The following COL21A1 variants were observed in gnomAD, a reference collection of about 807,000 sequenced individuals.
The protein encoded by COL21A1 is collagen type XXI alpha 1 chain, also known as collagen alpha-1(XXI) chain.
COL21A1 carries 149 observed loss-of-function variants against 137.9 expected under a neutral mutation model. The ratio of observed to expected loss-of-function variants is 1.08; its 90% CI spans 0.95 to 1.24. COL21A1 has a LOEUF of 1.24. Ranked by LOEUF, COL21A1 falls within the 50% of genes most tolerant of loss-of-function variation. COL21A1 has a pLI of 0.00. For missense variants in COL21A1, 1,167 were observed against 1,158.4 expected, an observed-to-expected ratio of 1.01 and a Z score of -0.11; for synonymous variants, 456 against 391.5, an observed-to-expected ratio of 1.16 and a Z score of -1.95.
chr6:56,287,684 A>C (rs1003574378), intron 1 of COL21A1, among the ~76,000 whole-genome samples: 2 of 152,132 alleles, frequency 1.3e-5, no homozygotes, highest in African/African-American at 4.8e-5. Flanking sequence ...TAAGTTACCC[A>C]GTCTCAGGTA....
At chr6:56,382,813 C>T (rs1272331887) in intron 1 of COL21A1, among the ~76,000 whole-genome samples, 1 of 152,166 alleles carries the variant, frequency 6.6e-6, no homozygotes, top group Non-Finnish European at 1.5e-5. Flanking sequence ...CTATTGCTTA[C>T]ACCACCCATC....
chr6:56,233,839 T>C (rs758898069), intron 1 of COL21A1, among the ~76,000 whole-genome samples: 1 of 150,878 alleles, frequency 6.6e-6, no homozygotes, highest in Non-Finnish European at 1.5e-5. Context: ...GCAGGATGCC[T>C]AAAAAGAAAT....
chr6:56,227,519 A>C (rs1407611571), intron 1 of COL21A1, among the ~76,000 whole-genome samples: 1 of 152,078 alleles, frequency 6.6e-6, no homozygotes, highest in African/African-American at 2.4e-5. Flanking sequence ...AGAGTAAATG[A>C]ACTTCAGATC....
intron 1 of COL21A1, among the ~76,000 whole-genome samples, chr6:56,263,628 T>A (rs1432196349): frequency 1.3e-5 from 2 of 152,178 alleles, no homozygotes; most frequent in Non-Finnish European, 2.9e-5. Flanking sequence ...TAAGCGCATG[T>A]CCCCAGAATA....
intron 17 of COL21A1, among the ~76,000 whole-genome samples, chr6:56,090,922 G>T (rs185643265): frequency 6.6e-6 from 1 of 152,104 alleles, no homozygotes; most frequent in Admixed American, 6.6e-5. Context: ...GCCTGAAAAA[G>T]GGGTGAGAAA....
intron 1 of COL21A1, among the ~76,000 whole-genome samples, chr6:56,344,922 G>A (rs1278398283): frequency 6.6e-6 from 1 of 152,098 alleles, no homozygotes; most frequent in East Asian, 1.9e-4. Context: ...GTGGAACCAT[G>A]AGCCAATTAA....
Position 56,060,959 on chromosome 6 carries a change from G to GC in COL21A1, c.2283dup (p.Pro762AlafsTer5), listed in dbSNP as rs1443600881. 3.1e-6 allele frequency: 5 copies of GC among 1,607,742 alleles called. No individual in the cohort carries two copies. In the East Asian group the frequency reaches 1.1e-4, roughly 36 times the overall value. ...CCAGGTTGCCCCTTAGGACCTGCGG[G>GC]CCCCATCAAGCCATCCACCCCAGAT... is the stretch of plus-strand genomic sequence containing the variant. On this transcript the variant is annotated frameshift_variant, in exon 26 of 30. Coordinates refer to ENST00000244728, the MANE Select transcript of COL21A1 (RefSeq NM_030820.4). LOFTEE classifies it high-confidence loss of function.
intron 1 of COL21A1, among the ~76,000 whole-genome samples, chr6:56,314,177 G>A (rs1397094826): frequency 6.6e-6 from 1 of 152,098 alleles, no homozygotes; most frequent in Non-Finnish European, 1.5e-5. Context: ...TAGAGGCAGG[G>A]TTTCACCATG....
intron 1 of COL21A1, among the ~76,000 whole-genome samples, chr6:56,276,218 G>A (rs1294127134): frequency 1.3e-5 from 2 of 152,118 alleles, no homozygotes; most frequent in African/African-American, 4.8e-5. Flanking sequence ...ATTACCAGAG[G>A]GGAGAAGGAG....
chr6:56,164,938 A>T lies in COL21A1; in HGVS notation c.1279-116T>A. 13 of 758,194 alleles carry T rather than the reference A, an allele frequency of 1.7e-5. No homozygotes were observed. In the South Asian group the frequency reaches 2.6e-4, roughly 15 times the overall value. The allele number at this position is 758,194 out of a possible 1,614,324, so 47.0% of individuals were successfully genotyped here. A position where few individuals can be genotyped will look rare whatever the true frequency, so the allele number is the denominator to read the frequency against. On this transcript the variant is annotated intron_variant, in intron 7 of 29. Coordinates refer to ENST00000244728, the MANE Select transcript of COL21A1 (RefSeq NM_030820.4). The stretch of plus-strand genomic sequence containing the variant: ...TAGAGATATATGAAGTATGAAAACC[A>T]ACAAAAACCAAAATATTTCCCTGCA...
chr6:56,186,689 T>C (rs530499243), intron 1 of COL21A1, among the ~76,000 whole-genome samples: 24 of 152,190 alleles, frequency 1.6e-4, no homozygotes, highest in Middle Eastern at 3.4e-3. Context: ...GGGAAAAAAA[T>C]ACCATTTTCA....
chr6:56,220,271 G>T (rs1482099888), intron 1 of COL21A1, among the ~76,000 whole-genome samples: 3 of 152,106 alleles, frequency 2.0e-5, no homozygotes, highest in Non-Finnish European at 4.4e-5. Flanking sequence ...CCACACAAAA[G>T]ATGTACAAAG....
intron 1 of COL21A1, among the ~76,000 whole-genome samples, chr6:56,294,822 C>A (rs1043461505): frequency 2.0e-5 from 3 of 151,902 alleles, no homozygotes; most frequent in Admixed American, 2.0e-4. Flanking sequence ...AAAAGGAGTT[C>A]TTTGTATATT....
At chr6:56,203,682 G>A (rs1779554079) in intron 1 of COL21A1, among the ~76,000 whole-genome samples, 1 of 152,220 alleles carries the variant, frequency 6.6e-6, no homozygotes, top group East Asian at 1.9e-4. Flanking sequence ...AGGCAAGATG[G>A]CCGAATAGGA....
intron 17 of COL21A1, among the ~76,000 whole-genome samples, chr6:56,086,536 A>G (rs1768263769): frequency 1.3e-5 from 2 of 152,186 alleles, no homozygotes; most frequent in Admixed American, 1.3e-4. Flanking sequence ...CTATTCATTA[A>G]GTGGAAGTGG....
intron 1 of COL21A1, among the ~76,000 whole-genome samples, chr6:56,287,110 C>T (rs920655900): frequency 2.6e-5 from 4 of 152,118 alleles, no homozygotes; most frequent in Non-Finnish European, 5.9e-5. Context: ...ATGATCAATC[C>T]TCTCATTGAG....
chr6:56,342,040 T>A (rs1469464684), intron 1 of COL21A1, among the ~76,000 whole-genome samples: 3 of 152,254 alleles, frequency 2.0e-5, no homozygotes, highest in Non-Finnish European at 4.4e-5. Context: ...CCTCCCCTGT[T>A]CCAAATAGCA....
chr6:56,249,873 A>T (rs1275403285), upstream of COL21A1, among the ~76,000 whole-genome samples: 2 of 152,226 alleles, frequency 1.3e-5, no homozygotes, highest in African/African-American at 4.8e-5. Flanking sequence ...CAGTATGTGA[A>T]TTATATATCA....
intron 16 of COL21A1, among the ~76,000 whole-genome samples, chr6:56,109,419 C>A (rs1051789693): frequency 6.6e-6 from 1 of 151,694 alleles, no homozygotes; most frequent in Non-Finnish European, 1.5e-5. Flanking sequence ...GAGGAACTTG[C>A]ACAATTTTAT....
Sources: gnomAD v4.1 joint callset for allele counts (sites outside exome capture counted in the v4.1 genomes callset) on GRCh38, gnomAD v4.1.1 for gene constraint, MANE v1.5 for transcripts, NCBI Gene and HGNC (gene_info 2026-07-23, HGNC 2026-07-21) for gene names.